Variants in ADAMTSL3 observed in about 807,000 individuals in gnomAD.
ADAMTSL3 encodes ADAMTS like 3.
A neutral mutation model predicts 201.7 loss-of-function variants in ADAMTSL3; 128 were observed. That is an observed-to-expected ratio of 0.63 (90% CI 0.55 to 0.73). ADAMTSL3 has a LOEUF of 0.73. Among genes scored for constraint, ADAMTSL3 ranks in the 30% least tolerant of loss-of-function variants. The pLI is 0.00. For synonymous variants in ADAMTSL3, 738 were observed against 748.4 expected, an observed-to-expected ratio of 0.99 and a Z score of 0.23; for missense variants, 1,990 against 2,119.6, an observed-to-expected ratio of 0.94 and a Z score of 1.20.
At chr15:83,746,544 G>A (rs1466547265) in intron 3 of ADAMTSL3, among the ~76,000 whole-genome samples, 2 of 152,100 alleles carry the variant, frequency 1.3e-5, no homozygotes, top group Non-Finnish European at 2.9e-5. Flanking sequence ...TTGAATGACA[G>A]AGTTAATACA....
chr15:83,883,417 C>T (rs968776355), intron 9 of ADAMTSL3, among the ~76,000 whole-genome samples: 1 of 152,062 alleles, frequency 6.6e-6, no homozygotes, highest in African/African-American at 2.4e-5. Flanking sequence ...AAGGGACCTG[C>T]CTGCCTCAGC....
At chr15:83,685,075 A>T (rs2061518268) in intron 2 of ADAMTSL3, among the ~76,000 whole-genome samples, 1 of 152,118 alleles carries the variant, frequency 6.6e-6, no homozygotes, top group Non-Finnish European at 1.5e-5. Context: ...ATTATAATTT[A>T]TATTGCCCTG....
intron 3 of ADAMTSL3, among the ~76,000 whole-genome samples, chr15:83,761,240 G>A (rs151192076): frequency 6.6e-6 from 1 of 151,934 alleles, no homozygotes; most frequent in African/African-American, 2.4e-5. Context: ...AGGACCTTAG[G>A]ATACTTTAAG....
At chr15:83,779,301 C>A (rs1325234696) in intron 4 of ADAMTSL3, among the ~76,000 whole-genome samples, 2 of 152,292 alleles carry the variant, frequency 1.3e-5, no homozygotes, top group Non-Finnish European at 2.9e-5. Context: ...CCCAAAACAA[C>A]AGAATATACA....
At chr15:83,782,918 ATATATATATATTATATG>A (rs1202708492) in intron 4 of ADAMTSL3, among the ~76,000 whole-genome samples, 1 of 148,146 alleles carries the variant, frequency 6.8e-6, no homozygotes, top group Non-Finnish European at 1.5e-5. Flanking sequence ...TAGCGTATAT[ATATATATATATTATATG>A]TATATATACA....
At chr15:84,018,813 G>A (rs73445106) in intron 25 of ADAMTSL3, among the ~76,000 whole-genome samples, 3,052 of 152,104 alleles carry the variant, frequency 0.02, 98 homozygotes, top group African/African-American at 0.071. Context: ...AGTCTTATAT[G>A]GTAGTGATAT....
intron 8 of ADAMTSL3, among the ~76,000 whole-genome samples, chr15:83,866,886 G>A (rs1596332628): frequency 6.6e-6 from 1 of 152,162 alleles, no homozygotes; most frequent in Non-Finnish European, 1.5e-5. Context: ...GCTCAGAAAT[G>A]TTCCCATTTC....
At chr15:84,016,815 T>A (rs1050407923) in intron 25 of ADAMTSL3, among the ~76,000 whole-genome samples, 11 of 152,226 alleles carry the variant, frequency 7.2e-5, no homozygotes, top group African/African-American at 2.4e-4. Flanking sequence ...TAATAGATAT[T>A]AATAGTCTGC....
At chr15:83,687,676 A>T (rs1326804047) in intron 2 of ADAMTSL3, among the ~76,000 whole-genome samples, 1 of 152,190 alleles carries the variant, frequency 6.6e-6, no homozygotes, top group Non-Finnish European at 1.5e-5. Flanking sequence ...TATGATTTCA[A>T]AATATCCTTC....
intron 23 of ADAMTSL3, among the ~76,000 whole-genome samples, chr15:83,997,898 T>G (rs1266444477): frequency 6.6e-6 from 1 of 152,068 alleles, no homozygotes; most frequent in African/African-American, 2.4e-5. Flanking sequence ...GGACCATTGG[T>G]CCTTTGCAGG....
rs78955624 is a variant in ADAMTSL3, at chr15:83,728,800, G to T, written c.189+24292G>T. 4.3e-3 allele frequency among the ~76,000 whole-genome samples: 656 copies of T among 152,074 alleles called. 3 individuals carry two copies. The highest frequency in any genetic ancestry group is 0.015 in the African/African-American group (623 of 41,520). On this transcript the variant is annotated intron_variant, in intron 3 of 29. Coordinates refer to ENST00000286744, the MANE Select transcript of ADAMTSL3 (RefSeq NM_207517.3). ...GTAGTTTATGTGCCACAATTACAGT[G>T]TCATAATATTCTGTGTTTTTCTGTG...
intron 2 of ADAMTSL3, among the ~76,000 whole-genome samples, chr15:83,656,550 C>A (rs1322978506): frequency 6.6e-6 from 1 of 152,220 alleles, no homozygotes; most frequent in Non-Finnish European, 1.5e-5. Context: ...AGACTTCTTA[C>A]AAAATTTCCC....
At chr15:83,912,671 AC>A (rs1357853781) in intron 15 of ADAMTSL3, among the ~76,000 whole-genome samples, 1 of 152,232 alleles carries the variant, frequency 6.6e-6, no homozygotes, top group Non-Finnish European at 1.5e-5. Context: ...ACAGTTTAAT[AC>A]TACTCTGCCC....
chr15:83,982,315 C>G lies in ADAMTSL3; in HGVS notation c.2687C>G (p.Pro896Arg). Residue 896 changes from proline to arginine, a missense_variant, in exon 21 of 30, where the codon CCG becomes CGG. Physicochemically the swap from Pro to Arg is moderately radical, Grantham distance 103. Transcript: ENST00000286744. ...AAGACAAAACTTGGTGAGCAGGGTC[C>G]GCAGATCCTCAGTGTCCAGAGAGTC... ...EMKTKLGEQG[P>R]QILSVQRVYI... 1 of 1,612,556 alleles carries G rather than the reference C, an allele frequency of 6.2e-7. No homozygotes were observed. Among genetic ancestry groups the G allele is most frequent in the Non-Finnish European group, 8.5e-7 (1 of 1,179,084 alleles).
chr15:83,793,303 T>C (rs139425042), intron 4 of ADAMTSL3, among the ~76,000 whole-genome samples: 8 of 152,290 alleles, frequency 5.3e-5, no homozygotes, highest in African/African-American at 1.9e-4. Flanking sequence ...TATTGTATTA[T>C]TGAAAATTGC....
At chr15:83,876,237 C>A (rs1481838647) in intron 9 of ADAMTSL3, among the ~76,000 whole-genome samples, 1 of 152,078 alleles carries the variant, frequency 6.6e-6, no homozygotes, top group Non-Finnish European at 1.5e-5. Context: ...TGGTTCCTTG[C>A]GTAATTGTTG....
At chr15:84,029,397 T>C (rs1305446059) in intron 27 of ADAMTSL3, among the ~76,000 whole-genome samples, 1 of 152,164 alleles carries the variant, frequency 6.6e-6, no homozygotes, top group African/African-American at 2.4e-5. Context: ...AATGGAGGCA[T>C]TTTGCCCCTG....
intron 9 of ADAMTSL3, among the ~76,000 whole-genome samples, chr15:83,878,167 C>T (rs1415097360): frequency 6.6e-6 from 1 of 152,084 alleles, no homozygotes; most frequent in Non-Finnish European, 1.5e-5. Flanking sequence ...AAGCATAGAG[C>T]TTTATCAGAT....
chr15:83,804,728 A>G, intron 5 of ADAMTSL3, 33 bp downstream of exon 5: 1 of 1,499,856 alleles, frequency 6.7e-7, no homozygotes, highest in Non-Finnish European at 9.0e-7. Context: ...TTTATCCAAT[A>G]CAATATGTGC....
Sources: allele counts gnomAD v4.1 joint callset (sites outside exome capture counted in the v4.1 genomes callset), GRCh38; gene constraint gnomAD v4.1.1; transcripts MANE v1.5; gene names NCBI Gene and HGNC (gene_info 2026-07-23, HGNC 2026-07-21).